Variants in MAP1LC3B observed in about 807,000 individuals in gnomAD.
MAP1LC3B encodes microtubule-associated protein 1 light chain 3 beta.
A neutral mutation model predicts 16.7 loss-of-function variants in MAP1LC3B; 12 were observed. The ratio of observed to expected loss-of-function variants is 0.72; its 90% CI spans 0.46 to 1.16. The LOEUF (loss-of-function observed/expected upper bound fraction) is 1.16, where lower values mean the gene tolerates loss of function less well. MAP1LC3B is among the 50% of genes most tolerant of loss of function. MAP1LC3B has a pLI of 0.00. For missense variants in MAP1LC3B, 155 were observed against 159.5 expected (o/e 0.97, Z 0.15); for synonymous variants, 63 against 56.5 (o/e 1.11, Z -0.51).
intron 3 of MAP1LC3B, 34 bp from the exon 4 acceptor site, chr16:87,402,889 G>A: frequency 1.2e-6 from 2 of 1,612,464 alleles, no homozygotes. Context: ...TTGTATTGTT[G>A]TCAATATTTC....
At chr16:87,401,268 G>A (rs1907984606) in intron 2 of MAP1LC3B, among the ~76,000 whole-genome samples, 2 of 151,768 alleles carry the variant, frequency 1.3e-5, no homozygotes, top group Non-Finnish European at 2.9e-5. Flanking sequence ...GTCTTTTTCT[G>A]ACTAGGTATG....
intron 1 of MAP1LC3B, among the ~76,000 whole-genome samples, chr16:87,394,513 A>T (rs1907731999): frequency 6.6e-6 from 1 of 152,242 alleles, no homozygotes; most frequent in South Asian, 2.1e-4. Flanking sequence ...CAGGATTGAC[A>T]GGGTTCTCAA....
At chr16:87,394,698 T>C (rs1907738069) in intron 1 of MAP1LC3B, among the ~76,000 whole-genome samples, 1 of 152,150 alleles carries the variant, frequency 6.6e-6, no homozygotes, top group Non-Finnish European at 1.5e-5. Context: ...ATTTCCAGTA[T>C]ATTAAGTGGA....
At chr16:87,402,376 C>A in intron 3 of MAP1LC3B, 95 bp downstream of exon 3, 2 of 1,172,912 alleles carry the variant, frequency 1.7e-6, no homozygotes, top group Non-Finnish European at 2.4e-6. Context: ...TGGTTAAAAT[C>A]TTTAAAAAAT....
intron 3 of MAP1LC3B, 83 bp from the exon 4 acceptor site, chr16:87,402,840 A>G (rs1908042675): frequency 6.6e-7 from 1 of 1,510,796 alleles, no homozygotes; most frequent in Non-Finnish European, 9.1e-7. Context: ...TATTTTACCG[A>G]TCAGAGTGGG....
intron 1 of MAP1LC3B, chr16:87,393,118 T>G (rs1907663452): frequency 6.6e-6 from 1 of 152,254 alleles, no homozygotes; most frequent in Non-Finnish European, 1.5e-5. Flanking sequence ...GTGGGAGACT[T>G]CTCTTGGGTT....
At chr16:87,399,540 C>G (rs1051125602) in intron 2 of MAP1LC3B, 1 of 444,020 alleles carries the variant, frequency 2.3e-6, no homozygotes, top group African/African-American at 2.0e-5. Context: ...TTTTCTTTCC[C>G]AAAGAAGCAT....
intron 2 of MAP1LC3B, among the ~76,000 whole-genome samples, chr16:87,400,491 A>AT (rs1907953970): frequency 6.6e-6 from 1 of 152,016 alleles, no homozygotes; most frequent in African/African-American, 2.4e-5. Flanking sequence ...AAATATTTGT[A>AT]TTTTTAACCT....
At chr16:87,401,754 T>G (rs1908000708) in intron 2 of MAP1LC3B, among the ~76,000 whole-genome samples, 1 of 152,080 alleles carries the variant, frequency 6.6e-6, no homozygotes, top group African/African-American at 2.4e-5. Flanking sequence ...GGTCTCGAAC[T>G]CCTGACCTCA....
chr16:87,402,290 T>G lies in MAP1LC3B; in HGVS notation c.203+9T>G, dbSNP rs752307721. On this transcript the variant is annotated intron_variant, in intron 3 of 3. Coordinates refer to ENST00000268607, the MANE Select transcript of MAP1LC3B (RefSeq NM_022818.5). ...CTCATCAAGATAATTAGGTATTCAGTCACCTTTGTTTCATAATATATTTCC... is the reference window on the plus strand; with the variant it reads ...CTCATCAAGATAATTAGGTATTCAGGCACCTTTGTTTCATAATATATTTCC... 6.2e-7 allele frequency: 1 copy of G among 1,610,804 alleles called. No homozygotes were observed. Among genetic ancestry groups the G allele is most frequent in the Non-Finnish European group, 8.5e-7 (1 of 1,177,330 alleles).
In MAP1LC3B at chr16:87,398,997, A is replaced by G. The variant is rs576776181; in HGVS notation, c.96+127A>G. On this transcript the variant is annotated intron_variant, in intron 2 of 3. Transcript: ENST00000268607. ...CCAAACCCTGGGTGTCAGTTTCACA[A>G]CCTAGAGAGAGGTATCCTTTTTTTA... 1.3e-4 allele frequency: 101 copies of G among 769,268 alleles called. No individual in the cohort carries two copies. The African/African-American group carries it at 1.5e-3, about 11-fold the overall frequency. The allele number at this position is 769,268 out of a possible 1,614,324, so 47.7% of individuals were successfully genotyped here.
chr16:87,398,863 A>C lies in MAP1LC3B; in HGVS notation c.89A>C (p.Lys30Thr). ...CTTATTCGAGAGCAGCATCCAACCA[A>C]AATCCCGGTAGGTAGTCTCAGGCCT... is the stretch of plus-strand genomic sequence containing the variant. ...VRLIREQHPT[K>T]IPVIIERYKG... is the part of the protein sequence containing the mutation. The change falls in exon 2 of 4, where the codon AAA (lysine) becomes ACA (threonine). Residue 30 changes from lysine (K) to threonine (T), a missense_variant. By Grantham distance (78) the Lys-to-Thr change is moderately conservative. Coordinates refer to ENST00000268607, the MANE Select transcript of MAP1LC3B (RefSeq NM_022818.5). 1 of 1,614,018 alleles carries C rather than the reference A, an allele frequency of 6.2e-7. No individual in the cohort carries two copies. The highest frequency in any genetic ancestry group is 8.5e-7 in the Non-Finnish European group (1 of 1,179,868).
At chr16:87,402,457 CT>C (rs960892243) in intron 3 of MAP1LC3B, 176 bp downstream of exon 3, 2 of 671,728 alleles carry the variant, frequency 3.0e-6, no homozygotes, top group Non-Finnish European at 4.9e-6. Flanking sequence ...TAAAATGTTT[CT>C]TTTTTTGAGG....
In MAP1LC3B at chr16:87,392,368, C is replaced by A. The variant is rs999872289; in HGVS notation, c.-60C>A. The A allele has an allele frequency of 7.3e-7, 1 of 1,376,468 alleles. No individual in the cohort carries two copies. 85.3% of individuals were successfully genotyped at this position (1,376,468 alleles called of 1,614,324 possible). On this transcript the variant is annotated 5_prime_UTR_variant, in exon 1 of 4. Coordinates refer to ENST00000268607, the MANE Select transcript of MAP1LC3B (RefSeq NM_022818.5). ...GATTCGCCGCCGCAGCAGCCGCCGC[C>A]CCCGGGAGCCGCCGGGACCCTCGCG...
intron 2 of MAP1LC3B, among the ~76,000 whole-genome samples, chr16:87,400,678 C>T (rs972640319): frequency 6.6e-6 from 1 of 151,290 alleles, no homozygotes; most frequent in African/African-American, 2.4e-5. Context: ...TAGGAACTTA[C>T]ACATTTATTA....
At chr16:87,393,346 C>T (rs568525580) in intron 1 of MAP1LC3B, 5 of 152,234 alleles carry the variant, frequency 3.3e-5, no homozygotes, top group African/African-American at 4.8e-5. Flanking sequence ...AAGTTCCAGA[C>T]ACCGGTTTGG....
intron 2 of MAP1LC3B, chr16:87,399,471 C>A (rs192130855): frequency 2.1e-5 from 7 of 325,978 alleles, no homozygotes; most frequent in Admixed American, 4.3e-5. Context: ...CAGCTTGACT[C>A]GGCCTTACAC....
At position 87,399,312 on chromosome 16, in the gene MAP1LC3B, AG is replaced by A. The variant is rs200163438; in HGVS notation, c.96+444del. On this transcript the variant is annotated intron_variant, in intron 2 of 3. Coordinates refer to ENST00000268607, the MANE Select transcript of MAP1LC3B (RefSeq NM_022818.5). ...TAGGCATGAGCCACTGGCTGGCCTC[AG>A]GTGCCAAGATTTCTGTACTGCCTCT... is the stretch of plus-strand genomic sequence containing the variant. The A allele has an allele frequency of 5.9e-4, 150 of 255,570 alleles. 1 individual carries two copies. Among genetic ancestry groups the A allele is most frequent in the African/African-American group, 3.3e-3 (146 of 44,204 alleles). The allele number at this position is 255,570 out of a possible 1,614,324, so 15.8% of individuals were successfully genotyped here. A position where few individuals can be genotyped will look rare whatever the true frequency, so the allele number is the denominator to read the frequency against.
chr16:87,399,746 A>G (rs1446017412), intron 2 of MAP1LC3B: 1 of 358,588 alleles, frequency 2.8e-6, no homozygotes, highest in Non-Finnish European at 5.5e-6. Flanking sequence ...GAAAGGAAGC[A>G]TAGTGAGGAG....
Sources: allele counts gnomAD v4.1 joint callset (sites outside exome capture counted in the v4.1 genomes callset), GRCh38; gene constraint gnomAD v4.1.1; transcripts MANE v1.5; gene names NCBI Gene and HGNC (gene_info 2026-07-23, HGNC 2026-07-21).